The following ADAM11 variants were observed in gnomAD, a reference collection of about 807,000 sequenced individuals.
The protein encoded by ADAM11 is disintegrin and metalloproteinase domain-containing protein 11.
ADAM11 carries 49 observed loss-of-function variants against 119.1 expected under a neutral mutation model. The observed-to-expected ratio is 0.41, with a 90% CI of 0.33 to 0.52. The LOEUF (loss-of-function observed/expected upper bound fraction) is 0.52. Ranked by LOEUF, ADAM11 falls within the 20% of genes least tolerant of loss-of-function variation. The pLI, the probability that ADAM11 is intolerant of heterozygous loss-of-function variation, is 0.20. For synonymous variants in ADAM11, 364 were observed against 408.0 expected (o/e 0.89, Z 1.30); for missense variants, 777 against 1,047.5 (o/e 0.74, Z 3.56).
rs1401092259 is a variant in ADAM11 at position 44,769,710 on chromosome 17, C to G, written c.238-8C>G. The G allele has an allele frequency of 2.5e-6, 4 of 1,569,274 alleles. No homozygotes were observed. The highest frequency in any genetic ancestry group is 3.5e-6 in the Non-Finnish European group (4 of 1,139,242). Reference sequence around the variant, plus strand: ...GGTTGACTCCCCCTCTGCCCTCCCCCCACCCAGCCTGTCCATCTGGCCCAG... The same window carrying G: ...GGTTGACTCCCCCTCTGCCCTCCCCGCACCCAGCCTGTCCATCTGGCCCAG... On this transcript the variant is annotated splice_region_variant and splice_polypyrimidine_tract_variant and intron_variant, in intron 2 of 26. Coordinates refer to ENST00000200557, the MANE Select transcript of ADAM11 (RefSeq NM_002390.6).
At chr17:44,779,684 G>A (rs1258753455) in intron 26 of ADAM11, 55 bp from the exon 27 acceptor site, 5 of 1,561,094 alleles carry the variant, frequency 3.2e-6, no homozygotes, top group Non-Finnish European at 4.3e-6. Flanking sequence ...CTGCTGGGGG[G>A]CTCTCCCCGT....
chr17:44,763,338 G>A (rs1409645134), intron 2 of ADAM11, among the ~76,000 whole-genome samples: 2 of 152,226 alleles, frequency 1.3e-5, no homozygotes, highest in Admixed American at 1.3e-4. Flanking sequence ...CAGCACTTGA[G>A]CACAGAGTCA....
chr17:44,769,601 C>T, intron 2 of ADAM11, 117 bp from the exon 3 acceptor site: 1 of 719,852 alleles, frequency 1.4e-6, no homozygotes, highest in Non-Finnish European at 2.5e-6. Context: ...CAATGGTCCC[C>T]TCAGCTGCTA....
intron 3 of ADAM11, 26 bp from the exon 4 acceptor site, chr17:44,769,956 C>G (rs764990784): frequency 4.3e-6 from 7 of 1,613,782 alleles, no homozygotes; most frequent in Admixed American, 3.3e-5. Context: ...CCGTGACCCC[C>G]CTTCCTGCTG....
Position 44,778,085 on chromosome 17 carries a change from G to C in ADAM11, c.2185+19G>C, listed in dbSNP as rs367971134. ...TATAAAGGTGAGGCTGGAGCTGGCC[G>C]AGGGGGGTCTGTCTGTCCTGCTCTC... On this transcript the variant is annotated intron_variant, in intron 24 of 26. Coordinates refer to ENST00000200557, the MANE Select transcript of ADAM11 (RefSeq NM_002390.6). The C allele has an allele frequency of 6.2e-7, 1 of 1,610,586 alleles. No individual in the cohort carries two copies. The highest frequency in any genetic ancestry group is 1.3e-5 in the African/African-American group (1 of 74,866).
At chr17:44,764,957 C>A (rs2049429513) in intron 2 of ADAM11, among the ~76,000 whole-genome samples, 1 of 151,966 alleles carries the variant, frequency 6.6e-6, no homozygotes, top group Non-Finnish European at 1.5e-5. Context: ...AGGGGAGAAA[C>A]CACATGAGCA....
chr17:44,760,028 T>G, intron 2 of ADAM11, 131 bp downstream of exon 2: 1 of 959,584 alleles, frequency 1.0e-6, no homozygotes, highest in Non-Finnish European at 1.4e-6. Flanking sequence ...CAGTGGGCTA[T>G]CCGGTGGGTG....
At chr17:44,774,605 G>T in intron 13 of ADAM11, 23 bp downstream of exon 13, 1 of 1,608,970 alleles carries the variant, frequency 6.2e-7, no homozygotes, top group Admixed American at 1.7e-5. Context: ...AGAGGCCCCC[G>T]TGTGGCCCAC....
chr17:44,759,620 C>T, intron 1 of ADAM11, 102 bp from the exon 2 acceptor site: 1 of 1,306,572 alleles, frequency 7.7e-7, no homozygotes, highest in Admixed American at 3.1e-5. Context: ...CCTAGGGCTC[C>T]AGGGGCCACA....
Position 44,777,770 on chromosome 17 carries a change from G to A in ADAM11, c.1977G>A (p.Met659Ile). The A allele has an allele frequency of 6.2e-7, 1 of 1,614,012 alleles. No individual in the cohort carries two copies. The highest frequency in any genetic ancestry group is 8.5e-7 in the Non-Finnish European group (1 of 1,179,980). The change falls in exon 23 of 27, where the codon ATG (methionine) becomes ATA (isoleucine). Residue 659 changes from methionine (M) to isoleucine (I), a missense_variant. Physicochemically the swap from Met to Ile is conservative, Grantham distance 10. Coordinates refer to ENST00000200557, the MANE Select transcript of ADAM11 (RefSeq NM_002390.6). The surrounding 1 kb of genome is among the most constrained non-coding windows in gnomAD (Gnocchi z 5.1). The part of the protein sequence containing the change: ...VEDGTACGPN[M>I]LCLDHRCLPA... ...ATGGCACAGCCTGCGGGCCTAACAT[G>A]TTGTGCCTGGACCATCGCTGCCTGC...
In ADAM11 at chr17:44,777,018, T is replaced by C. The variant is rs1567695279; in HGVS notation, c.1681+56T>C. On this transcript the variant is annotated intron_variant, in intron 20 of 26. Coordinates refer to ENST00000200557, the MANE Select transcript of ADAM11 (RefSeq NM_002390.6). This position sits in a 1 kb window ranked among gnomAD's most constrained non-coding sequence, Gnocchi z 5.1. ...TCCGGAGGACCCAGAGCTGAGAAGC[T>C]GGGGAGAGTGGGTTCCAGCTGAACA... 1.3e-6 allele frequency: 2 copies of C among 1,580,466 alleles called. No homozygotes were observed. Among genetic ancestry groups the C allele is most frequent in the East Asian group, 2.3e-5 (1 of 44,284 alleles).
chr17:44,773,986 G>A lies in ADAM11; in HGVS notation c.993-309G>A, dbSNP rs2049563303. Among the ~76,000 whole-genome samples the A allele has an allele frequency of 6.6e-6, 1 of 152,228 alleles. No individual in the cohort carries two copies. The highest frequency in any genetic ancestry group is 1.5e-5 in the Non-Finnish European group (1 of 68,032). ...TGCACCTGTAGTCCCAGCTACTCGG[G>A]AGGCTGAGGCAGGAGAATCGTTTGA... On this transcript the variant is annotated intron_variant, in intron 11 of 26. Transcript: ENST00000200557. This position sits in a 1 kb window ranked among gnomAD's most constrained non-coding sequence, Gnocchi z 4.6.
Position 44,773,292 on chromosome 17 carries a change from T to C in ADAM11, c.857T>C (p.Val286Ala). ...IYKEQLNTRI[V>A]LVAMETWADG... Reference sequence around the variant, plus strand: ...AAGGAGCAGCTCAACACTCGCATCGTCCTGGTTGCCATGGAAACATGGGCA... The same window carrying C: ...AAGGAGCAGCTCAACACTCGCATCGCCCTGGTTGCCATGGAAACATGGGCA... The change falls in exon 11 of 27, where the codon GTC becomes GCC. Residue 286 changes from valine to alanine, a missense_variant. Transcript: ENST00000200557. The surrounding 1 kb of genome is among the most constrained non-coding windows in gnomAD (Gnocchi z 4.6). 1.2e-6 allele frequency: 2 copies of C among 1,613,850 alleles called. No individual in the cohort carries two copies. Among genetic ancestry groups the C allele is most frequent in the Non-Finnish European group, 8.5e-7 (1 of 1,179,960 alleles).
intron 25 of ADAM11, 21 bp downstream of exon 25, chr17:44,778,263 G>A: frequency 6.2e-7 from 1 of 1,602,212 alleles, no homozygotes; most frequent in Non-Finnish European, 8.5e-7. Flanking sequence ...CACACACCCT[G>A]TGCCCCCTGG....
chr17:44,764,178 G>A (rs2145207493), intron 2 of ADAM11, among the ~76,000 whole-genome samples: 1 of 152,328 alleles, frequency 6.6e-6, no homozygotes, highest in East Asian at 1.9e-4. Context: ...GCTCATCTGA[G>A]CCAGCTAGGG....
rs756541490 is a variant in ADAM11, at chr17:44,779,758, C to T, written c.*4C>T. ...TTCCAGGTCCGGAGGGGCCTAAGTG[C>T]CACCCTCCTCCCTCCAAGCCTGGCA... On this transcript the variant is annotated 3_prime_UTR_variant, in exon 27 of 27. Coordinates refer to ENST00000200557, the MANE Select transcript of ADAM11 (RefSeq NM_002390.6). 2.5e-6 allele frequency: 4 copies of T among 1,608,830 alleles called. No homozygotes were observed. The highest frequency in any genetic ancestry group is 3.4e-6 in the Non-Finnish European group (4 of 1,178,610).
chr17:44,763,308 C>T (rs2049410857), intron 2 of ADAM11, among the ~76,000 whole-genome samples: 1 of 152,198 alleles, frequency 6.6e-6, no homozygotes, highest in East Asian at 1.9e-4. Context: ...AGAGAGGCAA[C>T]GTAACTGCCC....
Position 44,774,835 on chromosome 17 carries a change from C to T in ADAM11, c.1220+86C>T, listed in dbSNP as rs2049576817. Reference sequence around the variant, plus strand: ...TTGTTTGGCAGTCTGGACCAGGGGGCTCAAGAGGCCCAGCTCACAGAACCA... The same window carrying T: ...TTGTTTGGCAGTCTGGACCAGGGGGTTCAAGAGGCCCAGCTCACAGAACCA... On this transcript the variant is annotated intron_variant, in intron 14 of 26. Coordinates refer to ENST00000200557, the MANE Select transcript of ADAM11 (RefSeq NM_002390.6). 8 of 1,492,216 alleles carry T rather than the reference C, an allele frequency of 5.4e-6. No individual in the cohort carries two copies. The East Asian group carries it at 1.4e-4, about 26-fold the overall frequency. 92.4% of individuals were successfully genotyped at this position (1,492,216 alleles called of 1,614,324 possible). A position where few individuals can be genotyped will look rare whatever the true frequency, so the allele number is the denominator to read the frequency against.
rs980645423 is a variant in ADAM11 at position 44,777,366 on chromosome 17, C to T, written c.1781+101C>T. On this transcript the variant is annotated intron_variant, in intron 21 of 26. Coordinates refer to ENST00000200557, the MANE Select transcript of ADAM11 (RefSeq NM_002390.6). The surrounding 1 kb of genome is among the most constrained non-coding windows in gnomAD (Gnocchi z 5.1). ...TCTCCCAGGAGGAGCCTGTCAGTCC[C>T]AATGGGCGGGCACGTGGCAAATGAG... 5 of 1,523,376 alleles carry T rather than the reference C, an allele frequency of 3.3e-6. No individual in the cohort carries two copies. Among genetic ancestry groups the T allele is most frequent in the Non-Finnish European group, 4.5e-6 (5 of 1,109,526 alleles). The allele number at this position is 1,523,376 out of a possible 1,614,324, so 94.4% of individuals were successfully genotyped here.
Sources: gnomAD v4.1 joint callset for allele counts (sites outside exome capture counted in the v4.1 genomes callset) on GRCh38, gnomAD v4.1.1 for gene constraint, Gnocchi (gnomAD v3.1) non-coding constraint, MANE v1.5 for transcripts, NCBI Gene and HGNC (gene_info 2026-07-23, HGNC 2026-07-21) for gene names.